Variants in DLGAP1 observed in about 807,000 individuals in gnomAD.
DLGAP1 encodes disks large-associated protein 1.
DLGAP1 carries 11 observed loss-of-function variants against 90.8 expected under a neutral mutation model. That is an observed-to-expected ratio of 0.12 (90% CI 0.08 to 0.20). The LOEUF (loss-of-function observed/expected upper bound fraction) is 0.20, where lower values mean the gene tolerates loss of function less well. Among genes scored for constraint, DLGAP1 ranks in the 10% least tolerant of loss-of-function variants. The probability of loss-of-function intolerance (pLI) is 1.00; values close to 1 mark genes in which losing one functional copy is unlikely to be tolerated. For synonymous variants in DLGAP1, 558 were observed against 540.7 expected (o/e 1.03, Z -0.44); for missense variants, 1,050 against 1,333.8 (o/e 0.79, Z 3.31).
intron 1 of DLGAP1, among the ~76,000 whole-genome samples, chr18:4,241,798 G>C (rs543516760): frequency 6.6e-6 from 1 of 152,182 alleles, no homozygotes; most frequent in South Asian, 2.1e-4. Context: ...AAGAAACTTA[G>C]GCAATACTTC....
In DLGAP1 at chr18:4,187,901, G is replaced by T. The variant is rs1165140691; in HGVS notation, c.-266-36614C>A. ...AATCCCAGCTATTTGGAAGTCTGAG[G>T]CACGAGAATTACTTGAACCCTGGGA... On this transcript the variant is annotated intron_variant, in intron 1 of 12. Coordinates refer to ENST00000315677, the MANE Select transcript of DLGAP1 (RefSeq NM_004746.4). Among the ~76,000 whole-genome samples the T allele has an allele frequency of 4.0e-5, 6 of 151,836 alleles. No individual in the cohort carries two copies. In the East Asian group the frequency reaches 1.2e-3, roughly 29 times the overall value.
At chr18:3,765,158 C>T (rs376316250) in intron 5 of DLGAP1, among the ~76,000 whole-genome samples, 22 of 126,368 alleles carry the variant, frequency 1.7e-4, no homozygotes, top group Admixed American at 5.1e-4. Context: ...GACAGAGTCT[C>T]GCTCTGTTGC....
intron 3 of DLGAP1, among the ~76,000 whole-genome samples, chr18:3,988,633 C>A (rs1251237877): frequency 6.6e-6 from 1 of 152,042 alleles, no homozygotes; most frequent in South Asian, 2.1e-4. Context: ...GGCAGTGATG[C>A]AAATGATGGG....
rs571289847 is a variant in DLGAP1 at position 4,328,231 on chromosome 18, T to G, written c.-267+126775A>C. On this transcript the variant is annotated intron_variant, in intron 1 of 12. Transcript: ENST00000315677. The stretch of plus-strand genomic sequence containing the variant: ...AATAAACCTGTTTTTTTCCTCGCTC[T>G]CTCTCTTTAAGCTGTGTTTTGTCAG... Among the ~76,000 whole-genome samples the G allele has an allele frequency of 1.6e-4, 24 of 152,102 alleles. 2 individuals are homozygous for G. The South Asian group carries it at 4.6e-3, about 29-fold the overall frequency.
At chr18:3,742,548 A>G (rs1387713979) in intron 5 of DLGAP1, 36 bp from the exon 6 acceptor site, 1 of 1,608,988 alleles carries the variant, frequency 6.2e-7, no homozygotes, top group Non-Finnish European at 8.5e-7. Context: ...CATTAGTCAC[A>G]TTCCAAAATG....
chr18:3,696,037 T>C (rs1209639262), intron 7 of DLGAP1, among the ~76,000 whole-genome samples: 1 of 152,202 alleles, frequency 6.6e-6, no homozygotes, highest in East Asian at 1.9e-4. Flanking sequence ...GATTTTTGCA[T>C]ATTGATTTTG....
intron 3 of DLGAP1, among the ~76,000 whole-genome samples, chr18:4,004,292 T>C (rs888393673): frequency 1.3e-5 from 2 of 152,170 alleles, no homozygotes; most frequent in East Asian, 3.9e-4. Flanking sequence ...TCCCAGTGAT[T>C]GTTTTTCTTT....
intron 3 of DLGAP1, among the ~76,000 whole-genome samples, chr18:3,956,293 T>C (rs1166087016): frequency 6.6e-6 from 1 of 152,240 alleles, no homozygotes. Flanking sequence ...AGAAAATGTC[T>C]GTTAAAAATG....
chr18:3,782,178 C>A lies in DLGAP1; in HGVS notation c.1172+31881G>T, dbSNP rs377295063. ...TTTGGACAGAGCCTTGTTCTGTTGTCCAGGCTGGAGTGCAGTGGTGCAATC... is the reference window on the plus strand; with the variant it reads ...TTTGGACAGAGCCTTGTTCTGTTGTACAGGCTGGAGTGCAGTGGTGCAATC... On this transcript the variant is annotated intron_variant, in intron 5 of 12. Transcript: ENST00000315677. 2.5e-3 allele frequency among the ~76,000 whole-genome samples: 377 copies of A among 149,562 alleles called. 2 individuals are homozygous for A. The highest frequency in any genetic ancestry group is 8.8e-3 in the African/African-American group (356 of 40,596).
chr18:3,769,447 A>G (rs2064411718), intron 5 of DLGAP1, among the ~76,000 whole-genome samples: 1 of 152,192 alleles, frequency 6.6e-6, no homozygotes, highest in Non-Finnish European at 1.5e-5. Context: ...CCTTTATAGG[A>G]ATGGTTACAG....
chr18:3,666,066 C>A (rs973232972), intron 7 of DLGAP1, among the ~76,000 whole-genome samples: 50 of 152,148 alleles, frequency 3.3e-4, no homozygotes, highest in African/African-American at 1.2e-3. Context: ...GAATGGGCAC[C>A]GGGGGAAGAG....
At chr18:3,815,005 A>T (rs11872708) in intron 4 of DLGAP1, among the ~76,000 whole-genome samples, 116,219 of 152,182 alleles carry the variant, frequency 0.76, 44,653 homozygotes, top group African/African-American at 0.84. Context: ...TGTAGTAGGA[A>T]AAATTAAAAC....
At chr18:3,917,977 C>T (rs545136851) in intron 3 of DLGAP1, among the ~76,000 whole-genome samples, 1 of 152,184 alleles carries the variant, frequency 6.6e-6, no homozygotes, top group East Asian at 1.9e-4. Flanking sequence ...GCCGCTGTAC[C>T]CCACTCCTTG....
intron 7 of DLGAP1, among the ~76,000 whole-genome samples, chr18:3,662,239 C>T (rs1435310819): frequency 6.6e-6 from 1 of 151,960 alleles, no homozygotes; most frequent in Non-Finnish European, 1.5e-5. Context: ...CAAAACAAAA[C>T]AAAACAAAAA....
intron 3 of DLGAP1, among the ~76,000 whole-genome samples, chr18:3,898,967 T>C (rs2148876651): frequency 6.6e-6 from 1 of 151,822 alleles, no homozygotes; most frequent in Non-Finnish European, 1.5e-5. Context: ...GATGAACTTC[T>C]CCATACAAAA....
chr18:3,920,249 ACGAGAATCGCTTGAACCTGGGAAG>A (rs1273860535), intron 3 of DLGAP1, among the ~76,000 whole-genome samples: 2 of 151,406 alleles, frequency 1.3e-5, no homozygotes, highest in Non-Finnish European at 2.9e-5. Context: ...AGGCTGAGGC[ACGAGAATCGCTTGAACCTGGGAAG>A]CAGAGGTTGC....
At chr18:4,134,000 A>AT (rs1372722802) in intron 2 of DLGAP1, among the ~76,000 whole-genome samples, 2 of 151,546 alleles carry the variant, frequency 1.3e-5, no homozygotes, top group African/African-American at 4.9e-5. Flanking sequence ...GGTCCTAAAA[A>AT]AAAAAGGAGA....
intron 9 of DLGAP1, among the ~76,000 whole-genome samples, chr18:3,549,090 T>C (rs1023585919): frequency 6.6e-6 from 1 of 152,164 alleles, no homozygotes; most frequent in Non-Finnish European, 1.5e-5. Context: ...TTCAGGAAAT[T>C]TTATCACAGT....
intron 1 of DLGAP1, among the ~76,000 whole-genome samples, chr18:4,344,813 A>G (rs1298950012): frequency 6.6e-6 from 1 of 152,130 alleles, no homozygotes; most frequent in Non-Finnish European, 1.5e-5. Flanking sequence ...GGGCATTTAT[A>G]CACCTTCAAT....
Sources: gnomAD v4.1 joint callset for allele counts (sites outside exome capture counted in the v4.1 genomes callset) on GRCh38, gnomAD v4.1.1 for gene constraint, MANE v1.5 for transcripts, NCBI Gene and HGNC (gene_info 2026-07-23, HGNC 2026-07-21) for gene names.